TMEM266: variants seen among roughly 807,000 people sequenced by gnomAD.
The protein encoded by TMEM266 is Hv1 related protein 1.
TMEM266 carries 33 observed loss-of-function variants against 50.5 expected under a neutral mutation model. That is an observed-to-expected ratio of 0.65 (90% confidence interval 0.50 to 0.87). TMEM266 has a LOEUF of 0.87. Among genes scored for constraint, TMEM266 ranks in the 40% least tolerant of loss-of-function variants. The probability of loss-of-function intolerance (pLI) is 0.00; values close to 1 mark genes in which losing one functional copy is unlikely to be tolerated. For synonymous variants in TMEM266, 310 were observed against 292.3 expected (o/e 1.06, Z -0.62); for missense variants, 655 against 695.1 (o/e 0.94, Z 0.65).
At chr15:76,073,226 C>T (rs990581650) in intron 1 of TMEM266, among the ~76,000 whole-genome samples, 4 of 133,108 alleles carry the variant, frequency 3.0e-5, no homozygotes, top group Non-Finnish European at 4.7e-5. Context: ...CCACCTTGCC[C>T]GGCCTTCTTT....
intron 1 of TMEM266, among the ~76,000 whole-genome samples, chr15:76,096,794 A>G (rs2036927135): frequency 6.6e-6 from 1 of 151,962 alleles, no homozygotes; most frequent in African/African-American, 2.4e-5. Flanking sequence ...GTGCTCCTGT[A>G]TTGGGTGCAT....
intron 1 of TMEM266, among the ~76,000 whole-genome samples, chr15:76,080,828 C>G (rs2036680797): frequency 6.6e-6 from 1 of 152,092 alleles, no homozygotes; most frequent in African/African-American, 2.4e-5. Flanking sequence ...CTCACTGCAG[C>G]CTCAAACTCC....
In TMEM266 at chr15:76,153,260, C is replaced by T. The variant is rs1373574992; in HGVS notation, c.228-3344C>T. 6.6e-6 allele frequency among the ~76,000 whole-genome samples: 1 copy of T among 152,182 alleles called. No individual in the cohort carries two copies. Among genetic ancestry groups the T allele is most frequent in the Non-Finnish European group, 1.5e-5 (1 of 68,036 alleles). ...AACTGAATATATGGAACTAGTGCTCCTGAATACAATGCTTCGTTTCATTCC... is the reference window on the plus strand; with the variant it reads ...AACTGAATATATGGAACTAGTGCTCTTGAATACAATGCTTCGTTTCATTCC... On this transcript the variant is annotated intron_variant, in intron 3 of 10. Coordinates refer to ENST00000388942, the MANE Select transcript of TMEM266 (RefSeq NM_152335.3). This position sits in a 1 kb window ranked among gnomAD's most constrained non-coding sequence, Gnocchi z 4.2.
At chr15:76,063,741 G>A (rs965191254) in intron 1 of TMEM266, among the ~76,000 whole-genome samples, 1 of 152,178 alleles carries the variant, frequency 6.6e-6, no homozygotes, top group Admixed American at 6.6e-5. Flanking sequence ...CTCTGGTACT[G>A]TGAAAAAAGA....
intron 9 of TMEM266, 133 bp downstream of exon 9, chr15:76,192,290 T>TG (rs1395487811): frequency 3.0e-5 from 25 of 828,952 alleles, no homozygotes; most frequent in Non-Finnish European, 8.6e-6. Context: ...CACTCGTGAT[T>TG]GGGGGACACG....
chr15:76,147,636 A>AT (rs2037776004), intron 3 of TMEM266, among the ~76,000 whole-genome samples: 1 of 152,244 alleles, frequency 6.6e-6, no homozygotes, highest in Admixed American at 6.5e-5. Context: ...CAACAACGGA[A>AT]TAAAAGTTTA....
chr15:76,167,335 T>C (rs1480336920), intron 5 of TMEM266, among the ~76,000 whole-genome samples: 1 of 151,616 alleles, frequency 6.6e-6, no homozygotes, highest in East Asian at 2.0e-4. Context: ...CCGGGCATGG[T>C]GGCGGGTGCC....
chr15:76,191,274 A>G (rs955432452), intron 8 of TMEM266, among the ~76,000 whole-genome samples: 10 of 152,280 alleles, frequency 6.6e-5, no homozygotes, highest in Non-Finnish European at 1.2e-4. Flanking sequence ...AGTGCAATGC[A>G]GGAAATTCAA....
intron 1 of TMEM266, among the ~76,000 whole-genome samples, chr15:76,077,009 G>A (rs1167807914): frequency 1.3e-5 from 2 of 151,930 alleles, no homozygotes; most frequent in Non-Finnish European, 2.9e-5. Flanking sequence ...CTGTCACCCA[G>A]GCTGGAGTGC....
At position 76,204,150 on chromosome 15, in the gene TMEM266, G is replaced by A; in HGVS notation, c.1431G>A (p.Glu477=). 6.2e-7 allele frequency: 1 copy of A among 1,613,618 alleles called. No individual in the cohort carries two copies. Among genetic ancestry groups the A allele is most frequent in the Non-Finnish European group, 8.5e-7 (1 of 1,179,990 alleles). Residue 477 remains glutamate (E), a synonymous_variant, in exon 11 of 11, where the codon GAG becomes GAA. Transcript: ENST00000388942. Reference sequence around the variant, plus strand: ...CGGGCTCGGCCCAAACCAGCCCCGAGCTGGAACACAGGGTAAGTCTGTTCA... The same window carrying A: ...CGGGCTCGGCCCAAACCAGCCCCGAACTGGAACACAGGGTAAGTCTGTTCA...
rs181961939 is a variant in TMEM266 at position 76,079,993 on chromosome 15, A to G, written c.-97+19977A>G. Among the ~76,000 whole-genome samples, 50 of 152,106 alleles carry G rather than the reference A, an allele frequency of 3.3e-4. No individual in the cohort carries two copies. In the East Asian group the frequency reaches 9.2e-3, roughly 28 times the overall value. On this transcript the variant is annotated intron_variant, in intron 1 of 10. Coordinates refer to ENST00000388942, the MANE Select transcript of TMEM266 (RefSeq NM_152335.3). The stretch of plus-strand genomic sequence containing the variant: ...CTCAATTTGTAAGTGCAAGAGCTGT[A>G]AGATAGCATAAAGATGCTTGGCAGT...
intron 8 of TMEM266, among the ~76,000 whole-genome samples, chr15:76,187,119 C>T (rs2142077378): frequency 6.6e-6 from 1 of 151,606 alleles, no homozygotes; most frequent in East Asian, 2.0e-4. Context: ...TAACATTGCC[C>T]CACCATGGTT....
intron 7 of TMEM266, among the ~76,000 whole-genome samples, chr15:76,173,277 C>G (rs1182682645): frequency 2.6e-5 from 4 of 152,040 alleles, no homozygotes; most frequent in Admixed American, 6.5e-5. Flanking sequence ...GGAAAGGAGA[C>G]TTGGAGAGAG....
At chr15:76,170,190 A>G (rs890164090) in intron 6 of TMEM266, among the ~76,000 whole-genome samples, 4 of 152,244 alleles carry the variant, frequency 2.6e-5, no homozygotes, top group Non-Finnish European at 4.4e-5. Context: ...CCCTAAATGG[A>G]AAGCTGAGCG....
At chr15:76,183,765 G>GCC (rs2038455147) in intron 8 of TMEM266, among the ~76,000 whole-genome samples, 1 of 152,196 alleles carries the variant, frequency 6.6e-6, no homozygotes. Context: ...TGCCTCCCTG[G>GCC]CCTGTTTTCC....
At chr15:76,166,497 G>T (rs2038098697) in intron 5 of TMEM266, among the ~76,000 whole-genome samples, 2 of 152,210 alleles carry the variant, frequency 1.3e-5, no homozygotes, top group Non-Finnish European at 2.9e-5. Context: ...GCAGCGGCTG[G>T]GATTCTAGCT....
intron 1 of TMEM266, among the ~76,000 whole-genome samples, chr15:76,084,644 A>G (rs2036747400): frequency 2.0e-5 from 3 of 150,126 alleles, no homozygotes; most frequent in Non-Finnish European, 4.4e-5. Context: ...TGTGTTGCCC[A>G]GGCTGGAGTG....
At chr15:76,091,831 A>C (rs1255552824) in intron 1 of TMEM266, among the ~76,000 whole-genome samples, 1 of 151,804 alleles carries the variant, frequency 6.6e-6, no homozygotes, top group Non-Finnish European at 1.5e-5. Flanking sequence ...TTGAAACAAA[A>C]AATACAAAAA....
intron 1 of TMEM266, among the ~76,000 whole-genome samples, chr15:76,129,169 G>A (rs183325907): frequency 3.3e-4 from 50 of 152,204 alleles, no homozygotes; most frequent in African/African-American, 1.1e-3. Flanking sequence ...GATATAGGAA[G>A]CAATTATCAA....
Sources: gnomAD v4.1 joint callset for allele counts (sites outside exome capture counted in the v4.1 genomes callset) on GRCh38, gnomAD v4.1.1 for gene constraint, Gnocchi (gnomAD v3.1) non-coding constraint, MANE v1.5 for transcripts, NCBI Gene and HGNC (gene_info 2026-07-23, HGNC 2026-07-21) for gene names.